LAMA1: variants seen among roughly 807,000 people sequenced by gnomAD.
The protein encoded by LAMA1 is laminin subunit alpha-1.
A neutral mutation model predicts 348.7 loss-of-function variants in LAMA1; 219 were observed. The observed-to-expected ratio is 0.63, with a 90% confidence interval of 0.56 to 0.70. The LOEUF (loss-of-function observed/expected upper bound fraction) is 0.70, where lower values mean the gene tolerates loss of function less well. Among genes scored for constraint, LAMA1 ranks in the 30% least tolerant of loss-of-function variants. The probability of loss-of-function intolerance (pLI) is 0.00; values close to 1 mark genes in which losing one functional copy is unlikely to be tolerated. For missense variants in LAMA1, 3,744 were observed against 3,888.0 expected, an observed-to-expected ratio of 0.96 and a Z score of 0.99; for synonymous variants, 1,487 against 1,491.0, an observed-to-expected ratio of 1.00 and a Z score of 0.06.
intron 5 of LAMA1, among the ~76,000 whole-genome samples, chr18:7,048,500 T>C (rs2058050606): frequency 6.6e-6 from 1 of 152,100 alleles, no homozygotes; most frequent in Admixed American, 6.6e-5. Context: ...GACCCTCCCA[T>C]TTCAGCCTCC....
chr18:6,979,942 A>T (rs1259167006), intron 42 of LAMA1, among the ~76,000 whole-genome samples: 1 of 152,196 alleles, frequency 6.6e-6, no homozygotes, highest in Admixed American at 6.5e-5. Flanking sequence ...CACCCACTGG[A>T]AAGAACCACC....
chr18:6,968,766 T>G (rs1337839480), intron 48 of LAMA1, among the ~76,000 whole-genome samples: 4 of 152,160 alleles, frequency 2.6e-5, no homozygotes, highest in African/African-American at 9.7e-5. Flanking sequence ...TAATAATATA[T>G]TCAAGGAGGA....
intron 42 of LAMA1, among the ~76,000 whole-genome samples, chr18:6,979,749 A>C (rs554272745): frequency 1.3e-5 from 2 of 151,892 alleles, no homozygotes; most frequent in Admixed American, 1.3e-4. Context: ...AATACAAAAA[A>C]TTAGCCGGGG....
At chr18:7,065,077 C>CA (rs540508726) in intron 3 of LAMA1, among the ~76,000 whole-genome samples, 35 of 151,694 alleles carry the variant, frequency 2.3e-4, no homozygotes, top group Non-Finnish European at 4.0e-4. Context: ...ACTAAAAATA[C>CA]AAAAAATTAG....
At chr18:7,004,632 G>A (rs760845892) in intron 29 of LAMA1, among the ~76,000 whole-genome samples, 12 of 152,148 alleles carry the variant, frequency 7.9e-5, no homozygotes, top group Non-Finnish European at 1.3e-4. Flanking sequence ...TATTACAGGC[G>A]TGAGCCACTG....
rs1555671022 is a variant in LAMA1, at chr18:7,115,818, A to ACAAAAAAAAC, written c.61+1841_61+1842insGTTTTTTTTG. Among the ~76,000 whole-genome samples, 36 of 145,734 alleles carry ACAAAAAAAAC rather than the reference A, an allele frequency of 2.5e-4. 2 individuals are homozygous for ACAAAAAAAAC. The highest frequency in any genetic ancestry group is 2.0e-3 in the Admixed American group (29 of 14,352). ...ACCCTGTCTCCACTAAAAATACAAA[A>ACAAAAAAAAC]AAAAAAAAAAAAAAATAGCCGGGCG... is the stretch of plus-strand genomic sequence containing the variant. On this transcript the variant is annotated intron_variant, in intron 1 of 62. Transcript: ENST00000389658.
intron 1 of LAMA1, among the ~76,000 whole-genome samples, chr18:7,111,971 T>A (rs1359476394): frequency 6.6e-6 from 1 of 152,232 alleles, no homozygotes; most frequent in East Asian, 1.9e-4. Flanking sequence ...CAGTAATAAG[T>A]CATACTTATT....
chr18:7,081,330 A>C (rs1451756484), intron 1 of LAMA1, among the ~76,000 whole-genome samples: 1 of 152,216 alleles, frequency 6.6e-6, no homozygotes, highest in African/African-American at 2.4e-5. Context: ...TTTCACTTGA[A>C]AGAAGGGCAT....
chr18:6,994,009 T>C (rs1600379305), intron 34 of LAMA1, among the ~76,000 whole-genome samples: 1 of 152,222 alleles, frequency 6.6e-6, no homozygotes, highest in East Asian at 1.9e-4. Context: ...AGCAGGCTAA[T>C]TGTGTATTAA....
rs1185573632 is a variant in LAMA1, at chr18:6,985,273, G to A, written c.5624C>T (p.Ala1875Val). 5 of 1,614,168 alleles carry A rather than the reference G, an allele frequency of 3.1e-6. No individual in the cohort carries two copies. The East Asian group carries it at 6.7e-5, about 22-fold the overall frequency. ...ATCTGCTAGTCTCTGGAACTCAGCG[G>A]CATGGTCCTCAGCTCTGTAGACCAG... ...VDLVYRAEDH[A>V]AEFQRLADVL... is the part of the protein sequence containing the mutation. The change falls in exon 39 of 63, where the codon GCC becomes GTC. Residue 1875 changes from alanine (A) to valine (V), a missense_variant. By Grantham distance (64) the Ala-to-Val change is moderately conservative. Coordinates refer to ENST00000389658, the MANE Select transcript of LAMA1 (RefSeq NM_005559.4).
chr18:6,956,528 TC>T, intron 56 of LAMA1, 107 bp downstream of exon 56: 1 of 1,333,098 alleles, frequency 7.5e-7, no homozygotes, highest in Non-Finnish European at 1.1e-6. Flanking sequence ...CAGCTCCAGC[TC>T]CAGCTTTCGC....
At chr18:6,987,762 T>G (rs1349019633) in intron 36 of LAMA1, among the ~76,000 whole-genome samples, 1 of 152,200 alleles carries the variant, frequency 6.6e-6, no homozygotes, top group Non-Finnish European at 1.5e-5. Context: ...ACTCTGACAT[T>G]ATTAGAATAA....
intron 1 of LAMA1, among the ~76,000 whole-genome samples, chr18:7,100,024 A>C (rs2058285033): frequency 7.1e-6 from 1 of 140,538 alleles, no homozygotes; most frequent in Admixed American, 7.4e-5. Context: ...GCGCCACTGC[A>C]TTCCAGCCTG....
rs191697990 is a variant in LAMA1 at position 7,044,670 on chromosome 18, G to A, written c.976+52C>T. ...AAGTTGTTAAGACACCATAAACTTGGGACGTATTAAGAGGAAAACTGTACT... is the reference window on the plus strand; with the variant it reads ...AAGTTGTTAAGACACCATAAACTTGAGACGTATTAAGAGGAAAACTGTACT... On this transcript the variant is annotated intron_variant, in intron 7 of 62. Transcript: ENST00000389658. 14 of 1,340,568 alleles carry A rather than the reference G, an allele frequency of 1.0e-5. No homozygotes were observed. In the African/African-American group the frequency reaches 2.5e-4, roughly 24 times the overall value. The allele number at this position is 1,340,568 out of a possible 1,614,324, so 83.0% of individuals were successfully genotyped here.
At chr18:7,052,022 G>A (rs1285667351) in intron 3 of LAMA1, among the ~76,000 whole-genome samples, 2 of 152,132 alleles carry the variant, frequency 1.3e-5, no homozygotes, top group Non-Finnish European at 1.5e-5. Context: ...AAGCAACCAA[G>A]ATGTCCTTTA....
rs752551245 is a variant in LAMA1, at chr18:6,983,113, T to A, written c.5782A>T (p.Thr1928Ser). The A allele has an allele frequency of 5.0e-6, 8 of 1,614,002 alleles. No homozygotes were observed. The highest frequency in any genetic ancestry group is 5.9e-6 in the Non-Finnish European group (7 of 1,180,030). ...ELARDAHRTV[T>S]ETSLLSESLV... ...TCGTTTCCTACCAGGCTCGTCTCAG[T>A]CACAGTCCTGTGAGCATCTCTGGCC... Residue 1928 changes from threonine to serine, a missense_variant, in exon 40 of 63, where the codon ACT becomes TCT. Around this residue, in one of 3 missense-constraint regions of LAMA1, gnomAD observed 1,983 missense variants for 1,934.3 expected, o/e 1.03. Coordinates refer to ENST00000389658, the MANE Select transcript of LAMA1 (RefSeq NM_005559.4).
At chr18:7,076,982 A>G (rs2058170786) in intron 3 of LAMA1, 1 of 151,162 alleles carries the variant, frequency 6.6e-6, no homozygotes, top group South Asian at 2.1e-4. Context: ...GGCTCAATAA[A>G]TAAATAAATC....
intron 26 of LAMA1, among the ~76,000 whole-genome samples, chr18:7,009,978 T>C (rs2057852118): frequency 6.6e-6 from 1 of 152,110 alleles, no homozygotes; most frequent in African/African-American, 2.4e-5. Context: ...GGCTAATTTT[T>C]ATATTTTTAG....
chr18:7,099,769 C>T (rs1165565545), intron 1 of LAMA1, among the ~76,000 whole-genome samples: 2 of 151,738 alleles, frequency 1.3e-5, no homozygotes, highest in East Asian at 1.9e-4. Context: ...AACAAAAAGA[C>T]AAGCATAGGC....
Sources: gnomAD v4.1 joint callset for allele counts (sites outside exome capture counted in the v4.1 genomes callset) on GRCh38, gnomAD v4.1.1 for gene constraint, gnomAD v4.1.1 regional missense constraint, MANE v1.5 for transcripts, NCBI Gene and HGNC (gene_info 2026-07-23, HGNC 2026-07-21) for gene names.